KCNN2: variants seen among roughly 807,000 people sequenced by gnomAD.
KCNN2 encodes the protein potassium calcium-activated channel subfamily N member 2.
In KCNN2, 24 loss-of-function variants were observed where a neutral mutation model predicts 55.5. The ratio of observed to expected loss-of-function variants is 0.43; its 90% CI spans 0.31 to 0.61. The LOEUF (loss-of-function observed/expected upper bound fraction) is 0.61. Among genes scored for constraint, KCNN2 ranks in the 20% least tolerant of loss-of-function variants. The pLI, the probability that KCNN2 is intolerant of heterozygous loss-of-function variation, is 0.08. For missense variants in KCNN2, 754 were observed against 853.6 expected (o/e 0.88, Z 1.45); for synonymous variants, 431 against 336.1 (o/e 1.28, Z -3.09).
At chr5:114,369,290 G>C (rs1757694137) in intron 2 of KCNN2, among the ~76,000 whole-genome samples, 1 of 152,142 alleles carries the variant, frequency 6.6e-6, no homozygotes, top group South Asian at 2.1e-4. Context: ...CAAAGCTCAA[G>C]GCCTCAGGCT....
At chr5:114,228,823 G>A (rs1352026785) in intron 2 of KCNN2, among the ~76,000 whole-genome samples, 1 of 151,894 alleles carries the variant, frequency 6.6e-6, no homozygotes, top group East Asian at 1.9e-4. Flanking sequence ...TTTGTATCAT[G>A]TTTTTCTTTT....
chr5:114,271,432 G>A (rs73262022), intron 2 of KCNN2, among the ~76,000 whole-genome samples: 4,384 of 152,088 alleles, frequency 0.029, 218 homozygotes, highest in African/African-American at 0.1. Flanking sequence ...CCCAGAAGCC[G>A]GCCAGCTTCA....
At chr5:114,305,669 C>T (rs370745317) in intron 2 of KCNN2, among the ~76,000 whole-genome samples, 16 of 152,150 alleles carry the variant, frequency 1.1e-4, no homozygotes, top group East Asian at 3.9e-4. Context: ...GCTGGATGTC[C>T]ACACATACAT....
At chr5:114,489,280 C>A (rs1034420652) in intron 6 of KCNN2, among the ~76,000 whole-genome samples, 4 of 152,066 alleles carry the variant, frequency 2.6e-5, no homozygotes, top group African/African-American at 7.2e-5. Context: ...TAGGTTATTA[C>A]GTTTTTACAT....
chr5:114,293,456 G>T (rs1254207032), intron 2 of KCNN2, among the ~76,000 whole-genome samples: 2 of 152,136 alleles, frequency 1.3e-5, no homozygotes, highest in African/African-American at 4.8e-5. Context: ...TAATCATGTG[G>T]TTTTTGTCTT....
chr5:114,481,397 TATC>T (rs2150132225), intron 5 of KCNN2, among the ~76,000 whole-genome samples: 1 of 152,092 alleles, frequency 6.6e-6, no homozygotes, highest in South Asian at 2.1e-4. Context: ...TAAGAATCAA[TATC>T]ATGAAAATAG....
chr5:114,312,509 A>AC (rs1314120265), intron 2 of KCNN2, among the ~76,000 whole-genome samples: 2 of 136,964 alleles, frequency 1.5e-5, no homozygotes, highest in African/African-American at 5.5e-5. Flanking sequence ...TCTTGTACAA[A>AC]CCCCCATATG....
chr5:114,329,794 T>A (rs1045672349), intron 2 of KCNN2, among the ~76,000 whole-genome samples: 1 of 152,214 alleles, frequency 6.6e-6, no homozygotes, highest in Non-Finnish European at 1.5e-5. Context: ...AACTTGGAAT[T>A]CCCAGAAATT....
intron 3 of KCNN2, among the ~76,000 whole-genome samples, chr5:114,431,913 T>C (rs1047199125): frequency 5.3e-5 from 8 of 152,238 alleles, no homozygotes; most frequent in African/African-American, 1.9e-4. Flanking sequence ...TTTTGATTTC[T>C]AGTTTAATTC....
intron 7 of KCNN2, among the ~76,000 whole-genome samples, chr5:114,494,205 G>T (rs992430548): frequency 1.3e-5 from 2 of 151,284 alleles, no homozygotes; most frequent in African/African-American, 4.9e-5. Context: ...TAATTGTTCA[G>T]CCTTTTACCC....
intron 1 of KCNN2, among the ~76,000 whole-genome samples, chr5:114,193,814 A>G (rs75541070): frequency 0.014 from 2,146 of 152,224 alleles, 50 homozygotes; most frequent in African/African-American, 0.048. Context: ...TCTTGTTTTA[A>G]GGAGTGAGTG....
intron 2 of KCNN2, among the ~76,000 whole-genome samples, chr5:114,353,012 G>A (rs932619949): frequency 2.0e-5 from 3 of 151,784 alleles, no homozygotes; most frequent in African/African-American, 7.2e-5. Context: ...TTATTGAATT[G>A]GCTAATTGTA....
intron 2 of KCNN2, among the ~76,000 whole-genome samples, chr5:114,232,530 G>T (rs12719177): frequency 0.84 from 127,102 of 150,874 alleles, 53,977 homozygotes; most frequent in East Asian, 0.9. Context: ...TTTTATGTAT[G>T]TATGAGAACA....
chr5:114,480,121 A>AGAT (rs2150131006), intron 5 of KCNN2, among the ~76,000 whole-genome samples: 1 of 152,244 alleles, frequency 6.6e-6, no homozygotes, highest in South Asian at 2.1e-4. Context: ...ATAGACCACT[A>AGAT]GATAGACAAA....
chr5:114,286,560 GT>G (rs1755758718), intron 2 of KCNN2, among the ~76,000 whole-genome samples: 2 of 152,254 alleles, frequency 1.3e-5, no homozygotes, highest in East Asian at 3.9e-4. Context: ...TGCAAGAACA[GT>G]TAACCTTATA....
At chr5:114,266,992 C>CT (rs58929255) in intron 2 of KCNN2, among the ~76,000 whole-genome samples, 8 of 110,248 alleles carry the variant, frequency 7.3e-5, no homozygotes, top group African/African-American at 2.8e-4. Context: ...CCCTTCCCTC[C>CT]TTTTTTTTTT....
At chr5:114,376,455 T>G (rs567589193) in intron 2 of KCNN2, among the ~76,000 whole-genome samples, 3 of 152,266 alleles carry the variant, frequency 2.0e-5, no homozygotes, top group South Asian at 4.2e-4. Flanking sequence ...AGCAGAAGCC[T>G]CACCTTCAAA....
At chr5:114,455,933 G>A (rs1599175) in intron 3 of KCNN2, among the ~76,000 whole-genome samples, 4,063 of 152,254 alleles carry the variant, frequency 0.027, 100 homozygotes, top group Admixed American at 0.084. Context: ...AGCAGAGGTT[G>A]GTTCATTAGA....
rs181253517 is a variant in KCNN2, at chr5:114,179,704, C to T, written c.-270-41776C>T. Among the ~76,000 whole-genome samples, 746 of 152,168 alleles carry T rather than the reference C, an allele frequency of 4.9e-3. 2 individuals are homozygous for T. Among genetic ancestry groups the T allele is most frequent in the Non-Finnish European group, 7.8e-3 (531 of 68,012 alleles). The stretch of plus-strand genomic sequence containing the variant: ...ACCTCTCCAGGCACAATCATCACTC[C>T]CACAGCAACACTAGCCACCCATTTC... On this transcript the variant is annotated intron_variant, in intron 1 of 10. Coordinates refer to the KCNN2 transcript ENST00000512097.
Sources: gnomAD v4.1 joint callset for allele counts (sites outside exome capture counted in the v4.1 genomes callset) on GRCh38, gnomAD v4.1.1 for gene constraint, MANE v1.5 for transcripts, NCBI Gene and HGNC (gene_info 2026-07-23, HGNC 2026-07-21) for gene names.